AMZ2: variants seen among roughly 807,000 people sequenced by gnomAD.
The protein encoded by AMZ2 is archaemetzincin-2.
AMZ2 carries 26 observed loss-of-function variants against 36.7 expected under a neutral mutation model. The ratio of observed to expected loss-of-function variants is 0.71; its 90% CI spans 0.52 to 0.98. The LOEUF (loss-of-function observed/expected upper bound fraction) is 0.98. Among genes scored for constraint, AMZ2 ranks in the 50% least tolerant of loss-of-function variants. AMZ2 has a pLI of 0.00. For synonymous variants in AMZ2, 144 were observed against 149.1 expected (o/e 0.97, Z 0.25); for missense variants, 394 against 430.5 (o/e 0.92, Z 0.75).
chr17:68,252,348 T>TA (rs2074547470), intron 4 of AMZ2, among the ~76,000 whole-genome samples: 1 of 152,106 alleles, frequency 6.6e-6, no homozygotes, highest in Non-Finnish European at 1.5e-5. Context: ...ATGTGAGGTT[T>TA]CTTGTGGCCC....
In AMZ2 at chr17:68,211,787, T is replaced by C. The variant is rs1377614889; in HGVS notation, c.-67+5549T>C. Among the ~76,000 whole-genome samples the C allele has an allele frequency of 6.5e-5, 6 of 92,888 alleles. 1 individual carries two copies. The highest frequency in any genetic ancestry group is 4.5e-4 in the African/African-American group (6 of 13,382). 60.9% of individuals were successfully genotyped at this position (92,888 alleles called of 152,430 possible). On this transcript the variant is annotated intron_variant, in intron 1 of 7. Transcript: ENST00000674770. ...ATATATGTGTATATGTATATATGTA[T>C]ATGTATATATGTGTATATGTATATA... is the stretch of plus-strand genomic sequence containing the variant.
intron 1 of AMZ2, among the ~76,000 whole-genome samples, chr17:68,222,190 G>GA (rs2073385370): frequency 6.6e-6 from 1 of 152,242 alleles, no homozygotes; most frequent in Non-Finnish European, 1.5e-5. Context: ...CCTGAAATAG[G>GA]ACGTCTAGGG....
At chr17:68,209,232 C>T (rs369155127) in intron 1 of AMZ2, among the ~76,000 whole-genome samples, 93 of 147,970 alleles carry the variant, frequency 6.3e-4, no homozygotes, top group African/African-American at 2.2e-3. Flanking sequence ...CTTGCTCTGT[C>T]GCCTAGGCTG....
intron 1 of AMZ2, among the ~76,000 whole-genome samples, chr17:68,212,381 A>G (rs1555726290): frequency 6.6e-6 from 1 of 151,858 alleles, no homozygotes; most frequent in Non-Finnish European, 1.5e-5. Context: ...CAAAGAAGAA[A>G]AAAAAATCTA....
chr17:68,209,622 A>AT lies in AMZ2; in HGVS notation c.-67+3385dup, dbSNP rs1555725339. On this transcript the variant is annotated intron_variant, in intron 1 of 7. Coordinates refer to the AMZ2 transcript ENST00000674770. ...TGTGTGTGTATATGTATATATATAT[A>AT]TATATATATATTTTTTTTTTTTTTT... 5.2e-3 allele frequency among the ~76,000 whole-genome samples: 427 copies of AT among 82,860 alleles called. 4 individuals are homozygous for AT. Among genetic ancestry groups the AT allele is most frequent in the East Asian group, 0.012 (31 of 2,590 alleles). The allele number at this position is 82,860 out of a possible 152,430, so 54.4% of individuals were successfully genotyped here. A position where few individuals can be genotyped will look rare whatever the true frequency, so the allele number is the denominator to read the frequency against.
chr17:68,206,944 T>A (rs1302244725), intron 1 of AMZ2: 2 of 152,794 alleles, frequency 1.3e-5, no homozygotes, highest in Non-Finnish European at 2.9e-5. Flanking sequence ...CCCACCCAAC[T>A]TTGGTTATTC....
At chr17:68,213,145 C>T (rs782650293) in intron 1 of AMZ2, among the ~76,000 whole-genome samples, 2 of 152,136 alleles carry the variant, frequency 1.3e-5, no homozygotes, top group South Asian at 2.1e-4. Flanking sequence ...TAAAAACATA[C>T]GCCAGCCGGC....
chr17:68,253,867 C>T (rs1568382919), intron 4 of AMZ2, among the ~76,000 whole-genome samples: 1 of 151,992 alleles, frequency 6.6e-6, no homozygotes, highest in Non-Finnish European at 1.5e-5. Context: ...ATTCTCCCGC[C>T]TCAGCCTCCC....
chr17:68,211,866 A>G lies in AMZ2; in HGVS notation c.-67+5628A>G, dbSNP rs12936435. Among the ~76,000 whole-genome samples, 14 of 136,890 alleles carry G rather than the reference A, an allele frequency of 1.0e-4. No individual in the cohort carries two copies. The East Asian group carries it at 1.8e-3, about 17-fold the overall frequency. 89.8% of individuals were successfully genotyped at this position (136,890 alleles called of 152,430 possible). On this transcript the variant is annotated intron_variant, in intron 1 of 7. Coordinates refer to the AMZ2 transcript ENST00000674770. The stretch of plus-strand genomic sequence containing the variant: ...CATGTATATATATGTATATGTATAT[A>G]TGTGTGTGTATGTATATATATATGC...
chr17:68,212,131 G>A (rs1481748835), intron 1 of AMZ2, among the ~76,000 whole-genome samples: 2 of 152,120 alleles, frequency 1.3e-5, no homozygotes, highest in Admixed American at 6.5e-5. Flanking sequence ...AGCACTTTGG[G>A]AGGCCAAGGT....
upstream of AMZ2, among the ~76,000 whole-genome samples, chr17:68,245,952 G>T (rs1424945061): frequency 6.6e-5 from 10 of 152,098 alleles, no homozygotes; most frequent in Non-Finnish European, 1.3e-4. Context: ...GAAGACAGCT[G>T]TTCAGTCAAA....
Position 68,211,989 on chromosome 17 carries a change from C to T in AMZ2, c.-67+5751C>T, listed in dbSNP as rs1429751854. Among the ~76,000 whole-genome samples the T allele has an allele frequency of 5.4e-4, 82 of 151,596 alleles. 1 individual carries two copies. The highest frequency in any genetic ancestry group is 1.7e-3 in the African/African-American group (70 of 41,346). ...TTCCAGTCCAGATCTATCTGTATAT[C>T]TTTATCTCTATCTATATATATCTGT... is the stretch of plus-strand genomic sequence containing the variant. On this transcript the variant is annotated intron_variant, in intron 1 of 7. Coordinates refer to the AMZ2 transcript ENST00000674770.
In AMZ2 at chr17:68,250,380, G is replaced by A. The variant is rs2074361392; in HGVS notation, c.193G>A (p.Glu65Lys). 1 of 1,614,162 alleles carries A rather than the reference G, an allele frequency of 6.2e-7. No individual in the cohort carries two copies. The highest frequency in any genetic ancestry group is 8.5e-7 in the Non-Finnish European group (1 of 1,180,030). ...ATCAGATTGGATCACCTCCCACCCTGAGGCTCCCCAAGACTTTGAACAGTT... is the reference window on the plus strand; with the variant it reads ...ATCAGATTGGATCACCTCCCACCCTAAGGCTCCCCAAGACTTTGAACAGTT... ...SPSDWITSHP[E>K]APQDFEQFFS... The change falls in exon 2 of 7, where the codon GAG becomes AAG. Residue 65 changes from glutamate to lysine, a missense_variant. Coordinates refer to ENST00000359904, the MANE Select transcript of AMZ2 (RefSeq NM_016627.5).
intron 2 of AMZ2, 159 bp downstream of exon 2, chr17:68,250,629 T>A (rs1293813500): frequency 1.6e-6 from 2 of 1,214,654 alleles, no homozygotes; most frequent in Non-Finnish European, 2.3e-6. Context: ...ACTTAAAAGA[T>A]AACATTTTGT....
chr17:68,239,044 G>A (rs560438828), intron 1 of AMZ2, among the ~76,000 whole-genome samples: 1 of 152,200 alleles, frequency 6.6e-6, no homozygotes, highest in East Asian at 1.9e-4. Context: ...TTTTTCTCAG[G>A]GTGACTGGGT....
intron 1 of AMZ2, among the ~76,000 whole-genome samples, chr17:68,216,514 C>T (rs1445756992): frequency 6.6e-6 from 1 of 152,124 alleles, no homozygotes; most frequent in South Asian, 2.1e-4. Context: ...CCTTGATTTG[C>T]CCAAGATCCT....
At chr17:68,256,612 A>G (rs1489437511) in intron 6 of AMZ2, among the ~76,000 whole-genome samples, 1 of 151,914 alleles carries the variant, frequency 6.6e-6, no homozygotes, top group Non-Finnish European at 1.5e-5. Flanking sequence ...TTTTGACATC[A>G]TTTGTAATTC....
At chr17:68,211,690 GTATATATA>G (rs1178227889) in intron 1 of AMZ2, among the ~76,000 whole-genome samples, 3 of 124,166 alleles carry the variant, frequency 2.4e-5, no homozygotes, top group Non-Finnish European at 5.7e-5. Flanking sequence ...ATATGTATAT[GTATATATA>G]TGTATATATG....
At chr17:68,234,367 G>C (rs1366905442) in intron 1 of AMZ2, among the ~76,000 whole-genome samples, 1 of 151,820 alleles carries the variant, frequency 6.6e-6, no homozygotes, top group Non-Finnish European at 1.5e-5. Flanking sequence ...AGGATCGCCT[G>C]AGCCCAGGAG....
Sources: allele counts gnomAD v4.1 joint callset (sites outside exome capture counted in the v4.1 genomes callset), GRCh38; gene constraint gnomAD v4.1.1; transcripts MANE v1.5; gene names NCBI Gene and HGNC (gene_info 2026-07-23, HGNC 2026-07-21).